AMPH: variants seen among roughly 807,000 people sequenced by gnomAD.
The protein encoded by AMPH is amphiphysin (Stiff-Mann syndrome with breast cancer 128kD autoantigen).
AMPH carries 49 observed loss-of-function variants against 99.1 expected under a neutral mutation model. The observed-to-expected ratio is 0.49, with a 90% CI of 0.39 to 0.63. The LOEUF (loss-of-function observed/expected upper bound fraction) is 0.63. AMPH is among the 20% of genes least tolerant of loss of function. The pLI is 0.00. For missense variants in AMPH, 759 were observed against 863.4 expected, an observed-to-expected ratio of 0.88 and a Z score of 1.52; for synonymous variants, 314 against 317.3, an observed-to-expected ratio of 0.99 and a Z score of 0.11.
intron 2 of AMPH, among the ~76,000 whole-genome samples, chr7:38,525,277 T>TATATAGAGAGAGAG (rs1481528083): frequency 1.6e-4 from 14 of 86,652 alleles, no homozygotes; most frequent in South Asian, 1.3e-3. Context: ...TATATATATA[T>TATATAGAGAGAGAG]AGAGAGAGAG....
At chr7:38,584,327 C>T (rs151096031) in intron 1 of AMPH, among the ~76,000 whole-genome samples, 57 of 152,330 alleles carry the variant, frequency 3.7e-4, no homozygotes, top group African/African-American at 1.2e-3. Flanking sequence ...GCTATTTCTG[C>T]AAGGAGCCCT....
chr7:38,407,072 ATATATGTGTGTGTGTGTGTGTGTGTG>A (rs1324090175), intron 17 of AMPH, among the ~76,000 whole-genome samples: 1 of 32,128 alleles, frequency 3.1e-5, no homozygotes, highest in Admixed American at 4.5e-4. Flanking sequence ...ATATATATAT[ATATATGTGTGTGTGTGTGTGTGTGTG>A]TGTGTGTGTG....
chr7:38,559,743 C>T (rs1220529086), intron 1 of AMPH, among the ~76,000 whole-genome samples: 1 of 152,160 alleles, frequency 6.6e-6, no homozygotes, highest in Non-Finnish European at 1.5e-5. Context: ...GGCCTAATGT[C>T]GCATAATTAG....
At chr7:38,480,839 A>C (rs1289793752) in intron 5 of AMPH, among the ~76,000 whole-genome samples, 1 of 152,138 alleles carries the variant, frequency 6.6e-6, no homozygotes, top group Non-Finnish European at 1.5e-5. Flanking sequence ...AACTCTTATA[A>C]AGCTCTTCCT....
intron 8 of AMPH, 107 bp downstream of exon 8, chr7:38,466,066 T>A (rs759981056): frequency 1.5e-5 from 13 of 892,040 alleles, no homozygotes; most frequent in Non-Finnish European, 2.3e-5. Flanking sequence ...AAAAGAAACA[T>A]ACAAAAGGGT....
intron 1 of AMPH, among the ~76,000 whole-genome samples, chr7:38,606,296 G>C (rs1412188023): frequency 6.6e-6 from 1 of 152,090 alleles, no homozygotes; most frequent in Non-Finnish European, 1.5e-5. Flanking sequence ...TCACACTGTT[G>C]TGCAACCGTC....
In AMPH at chr7:38,548,670, G is replaced by A. The variant is rs142009771; in HGVS notation, c.70-13659C>T. On this transcript the variant is annotated intron_variant, in intron 1 of 20. Transcript: ENST00000356264. ...AAGCTCTCTGCTGCAGAGAGAGGGG[G>A]TCCCGAGCAGGTCTTCTGGTCCATA... Among the ~76,000 whole-genome samples the A allele has an allele frequency of 4.6e-3, 697 of 152,192 alleles. 3 individuals are homozygous for A. The highest frequency in any genetic ancestry group is 0.016 in the African/African-American group (653 of 41,508).
At chr7:38,598,445 G>C (rs1793138209) in intron 1 of AMPH, among the ~76,000 whole-genome samples, 1 of 152,172 alleles carries the variant, frequency 6.6e-6, no homozygotes, top group Admixed American at 6.5e-5. Context: ...TGGGATTACA[G>C]GTGCCTGCTA....
chr7:38,619,037 T>C (rs1793965981), intron 1 of AMPH, among the ~76,000 whole-genome samples: 1 of 151,972 alleles, frequency 6.6e-6, no homozygotes, highest in Non-Finnish European at 1.5e-5. Context: ...GAAAAAGATA[T>C]CTCATGCTGC....
intron 12 of AMPH, among the ~76,000 whole-genome samples, chr7:38,435,042 T>C (rs1248163084): frequency 2.6e-5 from 4 of 152,354 alleles, no homozygotes; most frequent in African/African-American, 9.6e-5. Context: ...AACAGTTTTT[T>C]TAAATTGCAG....
chr7:38,401,958 C>T (rs1360097913), intron 17 of AMPH, among the ~76,000 whole-genome samples: 1 of 152,110 alleles, frequency 6.6e-6, no homozygotes, highest in African/African-American at 2.4e-5. Context: ...ATCTTCACTC[C>T]TTGGTCCCTA....
At chr7:38,472,060 G>T (rs994555711) in intron 7 of AMPH, among the ~76,000 whole-genome samples, 1 of 152,108 alleles carries the variant, frequency 6.6e-6, no homozygotes, top group African/African-American at 2.4e-5. Context: ...CAAGGCAGAA[G>T]ATAGTAAGGA....
chr7:38,385,044 C>T, intron 20 of AMPH, 119 bp from the exon 21 acceptor site: 1 of 859,022 alleles, frequency 1.2e-6, no homozygotes, highest in East Asian at 2.6e-5. Flanking sequence ...TGTCACATTA[C>T]AGGTAAAGTG....
intron 12 of AMPH, among the ~76,000 whole-genome samples, chr7:38,436,030 G>A (rs897617360): frequency 1.3e-5 from 2 of 152,136 alleles, no homozygotes; most frequent in Admixed American, 6.5e-5. Flanking sequence ...TTACTCTGGG[G>A]GAGAAAACAG....
At chr7:38,417,984 A>G (rs764675459) in intron 16 of AMPH, 34 bp from the exon 17 acceptor site, 3 of 1,603,876 alleles carry the variant, frequency 1.9e-6, no homozygotes, top group Non-Finnish European at 2.6e-6. Flanking sequence ...TAGAGGAAAA[A>G]GATTCAACAG....
chr7:38,553,569 A>G (rs1791254724), intron 1 of AMPH, among the ~76,000 whole-genome samples: 1 of 152,258 alleles, frequency 6.6e-6, no homozygotes, highest in Non-Finnish European at 1.5e-5. Flanking sequence ...TTAAATATAC[A>G]TTACACTGAG....
At chr7:38,457,971 T>A (rs1787297703) in intron 11 of AMPH, among the ~76,000 whole-genome samples, 1 of 152,190 alleles carries the variant, frequency 6.6e-6, no homozygotes, top group African/African-American at 2.4e-5. Flanking sequence ...TGTCATACAA[T>A]GACATATATG....
intron 17 of AMPH, among the ~76,000 whole-genome samples, chr7:38,408,276 A>G (rs1202502947): frequency 6.6e-6 from 1 of 152,206 alleles, no homozygotes. Flanking sequence ...TCTTATAAAC[A>G]GTTGATACAT....
chr7:38,554,263 C>G (rs1181296434), intron 1 of AMPH, among the ~76,000 whole-genome samples: 6 of 152,200 alleles, frequency 3.9e-5, no homozygotes, highest in Non-Finnish European at 8.8e-5. Flanking sequence ...AAATCTGAAG[C>G]TCAAGTAACT....
Sources: gnomAD v4.1 joint callset for allele counts (sites outside exome capture counted in the v4.1 genomes callset) on GRCh38, gnomAD v4.1.1 for gene constraint, MANE v1.5 for transcripts, NCBI Gene and HGNC (gene_info 2026-07-23, HGNC 2026-07-21) for gene names.